Variants in KMT2C observed in about 807,000 individuals in gnomAD.
KMT2C encodes the protein histone-lysine N-methyltransferase 2C.
Under a neutral mutation model 507.9 loss-of-function variants are expected in KMT2C, and 88 were observed. The observed-to-expected ratio is 0.17, with a 90% CI of 0.15 to 0.21. KMT2C has a LOEUF of 0.21. Ranked by LOEUF, KMT2C falls within the 10% of genes least tolerant of loss-of-function variation. The probability of loss-of-function intolerance (pLI) is 1.00; values close to 1 mark genes in which losing one functional copy is unlikely to be tolerated. For missense variants in KMT2C, 4,954 were observed against 5,957.8 expected (o/e 0.83, Z 5.55); for synonymous variants, 2,049 against 2,080.8 (o/e 0.98, Z 0.42).
At chr7:152,278,882 T>A (rs1236941231) in intron 6 of KMT2C, among the ~76,000 whole-genome samples, 1 of 152,306 alleles carries the variant, frequency 6.6e-6, no homozygotes, top group African/African-American at 2.4e-5. Context: ...TAGATTAGAC[T>A]TTAACATAGC....
chr7:152,325,663 C>T (rs2096821715), intron 3 of KMT2C, among the ~76,000 whole-genome samples: 1 of 151,916 alleles, frequency 6.6e-6, no homozygotes, highest in South Asian at 2.1e-4. Context: ...TCAGGCTGGT[C>T]TCGAACTCCT....
intron 1 of KMT2C, among the ~76,000 whole-genome samples, chr7:152,369,202 A>G (rs937503356): frequency 6.6e-6 from 1 of 152,078 alleles, no homozygotes; most frequent in Non-Finnish European, 1.5e-5. Context: ...ACGTGCCTGT[A>G]ATCCCAGTTA....
chr7:152,330,360 A>G (rs2096871606), intron 3 of KMT2C, among the ~76,000 whole-genome samples: 1 of 152,112 alleles, frequency 6.6e-6, no homozygotes, highest in South Asian at 2.1e-4. Flanking sequence ...AATATTCTGT[A>G]CTGGCCTGAG....
At chr7:152,273,377 TAATA>T (rs2096013620) in intron 7 of KMT2C, among the ~76,000 whole-genome samples, 1 of 152,224 alleles carries the variant, frequency 6.6e-6, no homozygotes, top group African/African-American at 2.4e-5. Flanking sequence ...ATTGACTTTT[TAATA>T]AATTATTTTA....
At chr7:152,401,676 G>A (rs1188380837) in intron 1 of KMT2C, among the ~76,000 whole-genome samples, 2 of 152,036 alleles carry the variant, frequency 1.3e-5, no homozygotes, top group Non-Finnish European at 2.9e-5. Context: ...GGGCAACAGA[G>A]CAAGACTGTC....
At chr7:152,205,857 T>C (rs554509020) in intron 24 of KMT2C, among the ~76,000 whole-genome samples, 2 of 152,302 alleles carry the variant, frequency 1.3e-5, no homozygotes, top group Admixed American at 6.5e-5. Context: ...TGTCTGTATA[T>C]TAACCGGCTA....
At chr7:152,414,262 C>T (rs1396716784) in intron 1 of KMT2C, among the ~76,000 whole-genome samples, 2 of 148,954 alleles carry the variant, frequency 1.3e-5, no homozygotes, top group Non-Finnish European at 1.5e-5. Flanking sequence ...TGGTGGCTGG[C>T]TCACACCTGT....
At chr7:152,377,579 A>G (rs1352331028) in intron 1 of KMT2C, among the ~76,000 whole-genome samples, 2 of 152,136 alleles carry the variant, frequency 1.3e-5, no homozygotes, top group South Asian at 4.1e-4. Flanking sequence ...TACTAAAAAT[A>G]CAAAAATAAG....
Position 152,145,270 on chromosome 7 carries a change from T to C in KMT2C, c.14057A>G (p.Asn4686Ser), listed in dbSNP as rs141106704. Residue 4686 changes from asparagine to serine, a missense_variant, in exon 54 of 59, where the codon AAT (asparagine) becomes AGT (serine). Around this residue, in one of 29 missense-constraint regions of KMT2C, gnomAD observed 221 missense variants for 304.7 expected, o/e 0.73. Transcript: ENST00000262189. ...ESLPGVEACE[N>S]YTFRYGRNPL... ...ATTTCGGCCGTATCGGAAGGTATAA[T>C]TTTCACATGCCTCAACCCCAGGAAG... The C allele has an allele frequency of 1.1e-4, 172 of 1,614,118 alleles. 1 individual carries two copies. The East Asian group carries it at 3.7e-3, about 35-fold the overall frequency.
chr7:152,211,731 A>C (rs2094459010), intron 23 of KMT2C, among the ~76,000 whole-genome samples: 1 of 152,200 alleles, frequency 6.6e-6, no homozygotes, highest in African/African-American at 2.4e-5. Context: ...GGGCCTTCTG[A>C]TTCCCACAGG....
intron 1 of KMT2C, among the ~76,000 whole-genome samples, chr7:152,418,923 G>A (rs923964039): frequency 6.6e-6 from 1 of 152,020 alleles, no homozygotes; most frequent in African/African-American, 2.4e-5. Context: ...GCTGGGTGTG[G>A]TAGCTGATGT....
At chr7:152,222,828 T>C (rs529618340) in intron 20 of KMT2C, 146 bp from the exon 21 acceptor site, 17 of 594,750 alleles carry the variant, frequency 2.9e-5, no homozygotes, top group African/African-American at 2.4e-4. Flanking sequence ...CTCCTAACTA[T>C]CTCTATTAAC....
intron 1 of KMT2C, among the ~76,000 whole-genome samples, chr7:152,434,402 A>G (rs2097896014): frequency 6.6e-6 from 1 of 152,228 alleles, no homozygotes; most frequent in Admixed American, 6.5e-5. Flanking sequence ...CAAGAGCTCA[A>G]TGGGTTCCCA....
rs1340817344 is a variant in KMT2C at position 152,248,303 on chromosome 7, G to T, written c.2131C>A (p.Pro711Thr). 1 of 1,613,628 alleles carries T rather than the reference G, an allele frequency of 6.2e-7. No homozygotes were observed. Among genetic ancestry groups the T allele is most frequent in the African/African-American group, 1.3e-5 (1 of 74,898 alleles). ...CTTTCTATAACCAACTGTTCCTCAG[G>T]ACATAATGAAATACTTTCCTCATGT... ...SPHEESISLC[P>T]EEQLVIERLQ... Residue 711 changes from proline (P) to threonine (T), a missense_variant, in exon 14 of 59, where the codon CCT (proline) becomes ACT (threonine). Pro to Thr is a conservative substitution (Grantham distance 38). Coordinates refer to ENST00000262189, the MANE Select transcript of KMT2C (RefSeq NM_170606.3).
chr7:152,429,506 A>G (rs1046793928), intron 1 of KMT2C, among the ~76,000 whole-genome samples: 29 of 152,030 alleles, frequency 1.9e-4, no homozygotes, highest in African/African-American at 6.3e-4. Context: ...TATAAATCCA[A>G]GATTGGTCTA....
At chr7:152,280,612 A>G (rs1209428417) in intron 6 of KMT2C, among the ~76,000 whole-genome samples, 2 of 152,102 alleles carry the variant, frequency 1.3e-5, no homozygotes, top group Non-Finnish European at 2.9e-5. Context: ...ACCTGAATGC[A>G]CCTAGAAGAG....
rs1339044634 is a variant in KMT2C, at chr7:152,177,918, G to T, written c.7535C>A (p.Pro2512Gln). The T allele has an allele frequency of 6.2e-7, 1 of 1,609,948 alleles. No homozygotes were observed. Among genetic ancestry groups the T allele is most frequent in the Non-Finnish European group, 8.5e-7 (1 of 1,179,440 alleles). ...TACAGATACTGATCTTCTTAGCTGT[G>T]GAGAAACTCCAGATCCCTGTATTTG... is the stretch of plus-strand genomic sequence containing the variant. ...PQQIQGSGVS[P>Q]QLRRSVSVDM... The change falls in exon 38 of 59, where the codon CCA (proline) becomes CAA (glutamine). Residue 2512 changes from proline (P) to glutamine (Q), a missense_variant. By Grantham distance (76) the Pro-to-Gln change is moderately conservative. Coordinates refer to ENST00000262189, the MANE Select transcript of KMT2C (RefSeq NM_170606.3).
intron 9 of KMT2C, among the ~76,000 whole-genome samples, chr7:152,255,124 T>TATAC (rs926050662): frequency 6.2e-5 from 7 of 113,238 alleles, no homozygotes; most frequent in Non-Finnish European, 1.7e-5. Flanking sequence ...TATATATATA[T>TATAC]ATATATATAT....
At chr7:152,312,136 T>C (rs1007312289) in intron 4 of KMT2C, 190 bp from the exon 5 acceptor site, 2 of 396,766 alleles carry the variant, frequency 5.0e-6, no homozygotes, top group Non-Finnish European at 4.5e-6. Flanking sequence ...CCATATTATA[T>C]CGTATAAGTA....
Sources: gnomAD v4.1 joint callset for allele counts (sites outside exome capture counted in the v4.1 genomes callset) on GRCh38, gnomAD v4.1.1 for gene constraint, gnomAD v4.1.1 regional missense constraint, MANE v1.5 for transcripts, NCBI Gene and HGNC (gene_info 2026-07-23, HGNC 2026-07-21) for gene names.